HECTD4: variants seen among roughly 807,000 people sequenced by gnomAD.
HECTD4 encodes HECT domain E3 ubiquitin protein ligase 4.
HECTD4 carries 114 observed loss-of-function variants against 471.5 expected under a neutral mutation model. The observed-to-expected ratio is 0.24, with a 90% CI of 0.21 to 0.28. The LOEUF (loss-of-function observed/expected upper bound fraction) is 0.28. Ranked by LOEUF, HECTD4 falls within the 10% of genes least tolerant of loss-of-function variation. The pLI, the probability that HECTD4 is intolerant of heterozygous loss-of-function variation, is 1.00. For synonymous variants in HECTD4, 2,012 were observed against 2,256.0 expected (o/e 0.89, Z 3.07); for missense variants, 3,866 against 5,651.5 (o/e 0.68, Z 10.13).
intron 1 of HECTD4, among the ~76,000 whole-genome samples, chr12:112,342,243 C>A (rs190097445): frequency 6.6e-6 from 1 of 151,542 alleles, no homozygotes; most frequent in Non-Finnish European, 1.5e-5. Context: ...ATTGCTTGAG[C>A]CTGGGAGTTC....
chr12:112,271,784 G>A (rs2034419201), intron 11 of HECTD4, among the ~76,000 whole-genome samples: 2 of 151,854 alleles, frequency 1.3e-5, no homozygotes, highest in African/African-American at 4.8e-5. Context: ...GTTTTGTTTT[G>A]TTTTTTAAAA....
intron 7 of HECTD4, among the ~76,000 whole-genome samples, chr12:112,288,850 C>T (rs1343699452): frequency 6.6e-6 from 1 of 152,154 alleles, no homozygotes; most frequent in Non-Finnish European, 1.5e-5. Flanking sequence ...TTCAGCTTCA[C>T]CATGCAGAGC....
intron 1 of HECTD4, among the ~76,000 whole-genome samples, chr12:112,355,641 G>C (rs1168247117): frequency 6.6e-6 from 1 of 151,790 alleles, no homozygotes; most frequent in Non-Finnish European, 1.5e-5. Flanking sequence ...ATGCATGCCT[G>C]TGATCCCAGC....
chr12:112,279,116 G>T, intron 9 of HECTD4, 112 bp downstream of exon 9: 1 of 836,812 alleles, frequency 1.2e-6, no homozygotes, highest in Non-Finnish European at 1.8e-6. Flanking sequence ...TTATCAGAGA[G>T]CTATTGCAAA....
intron 38 of HECTD4, 76 bp from the exon 39 acceptor site, chr12:112,231,791 T>C: frequency 8.1e-7 from 1 of 1,238,164 alleles, no homozygotes. Flanking sequence ...CTATTTCCCC[T>C]CAATTACCAA....
At chr12:112,302,136 C>T in intron 7 of HECTD4, 1 of 1,078,326 alleles carries the variant, frequency 9.3e-7, no homozygotes, top group South Asian at 1.3e-5. Flanking sequence ...CAGTAAGGGA[C>T]TCCCATTTTA....
At chr12:112,242,162 T>A (rs1379176203) in intron 32 of HECTD4, among the ~76,000 whole-genome samples, 2 of 152,180 alleles carry the variant, frequency 1.3e-5, no homozygotes, top group African/African-American at 4.8e-5. Flanking sequence ...TATGGAAATG[T>A]ATAAAAATAT....
In HECTD4 at chr12:112,311,801, G is replaced by A. The variant is rs116382623; in HGVS notation, c.916+1216C>T. ...CCAAATGGAGTTTTTTAAAAGGAGA[G>A]AATCAAGAAAGAAGTTTTAGTTCTA... is the stretch of plus-strand genomic sequence containing the variant. On this transcript the variant is annotated intron_variant, in intron 4 of 75. Coordinates refer to ENST00000682272, the MANE Select transcript of HECTD4 (RefSeq NM_001388303.1). Among the ~76,000 whole-genome samples the A allele has an allele frequency of 2.7e-3, 412 of 152,240 alleles. 6 individuals are homozygous for A. Among genetic ancestry groups the A allele is most frequent in the African/African-American group, 9.7e-3 (403 of 41,558 alleles).
At chr12:112,324,029 C>CTTTCTTT (rs2035670292) in intron 1 of HECTD4, among the ~76,000 whole-genome samples, 5 of 26,336 alleles carry the variant, frequency 1.9e-4, no homozygotes, top group African/African-American at 7.9e-4. Flanking sequence ...TTCCTTCCTT[C>CTTTCTTT]CTTCCTTCCT....
intron 2 of HECTD4, among the ~76,000 whole-genome samples, chr12:112,318,870 C>T (rs1223697280): frequency 2.0e-5 from 3 of 152,200 alleles, no homozygotes; most frequent in South Asian, 2.1e-4. Context: ...TTTTGACCAT[C>T]CTCCTAGGAG....
chr12:112,354,627 AG>A (rs1375376347), intron 1 of HECTD4, among the ~76,000 whole-genome samples: 2 of 152,114 alleles, frequency 1.3e-5, no homozygotes. Flanking sequence ...CAGACATTGC[AG>A]TGGGCCAAGA....
At chr12:112,231,451 C>T in intron 39 of HECTD4, 62 bp downstream of exon 39, 5 of 1,513,386 alleles carry the variant, frequency 3.3e-6, no homozygotes, top group Non-Finnish European at 4.6e-6. Context: ...AAGCTAAAAA[C>T]AAACCCATTA....
chr12:112,295,359 G>C (rs2135665170), intron 7 of HECTD4, among the ~76,000 whole-genome samples: 1 of 148,548 alleles, frequency 6.7e-6, no homozygotes, highest in Middle Eastern at 3.4e-3. Context: ...AGTCTTTCTG[G>C]TAAGGTGATT....
chr12:112,282,644 T>C (rs1016879495), intron 8 of HECTD4, among the ~76,000 whole-genome samples: 4 of 152,208 alleles, frequency 2.6e-5, no homozygotes, highest in Admixed American at 6.5e-5. Context: ...CCTTTTTACA[T>C]TGTTTTGACT....
chr12:112,216,237 C>A, intron 48 of HECTD4, 55 bp downstream of exon 48: 1 of 1,248,960 alleles, frequency 8.0e-7, no homozygotes, highest in African/African-American at 1.5e-5. Flanking sequence ...CTGTTTAGAC[C>A]CAAACCTGAG....
At chr12:112,359,906 G>A (rs2036418778) in intron 1 of HECTD4, among the ~76,000 whole-genome samples, 1 of 152,046 alleles carries the variant, frequency 6.6e-6, no homozygotes, top group African/African-American at 2.4e-5. Context: ...AAACCTCCAG[G>A]TGGTACGCAC....
intron 1 of HECTD4, among the ~76,000 whole-genome samples, chr12:112,359,040 G>A (rs1177071502): frequency 1.3e-5 from 2 of 152,152 alleles, no homozygotes; most frequent in African/African-American, 2.4e-5. Context: ...GCCAGGTGTG[G>A]TGGCGGATGC....
At chr12:112,280,801 T>G (rs1322350731) in intron 8 of HECTD4, among the ~76,000 whole-genome samples, 1 of 150,420 alleles carries the variant, frequency 6.6e-6, no homozygotes, top group African/African-American at 2.5e-5. Context: ...TTTTTTTTTT[T>G]TTTGAGACTG....
Position 112,203,711 on chromosome 12 carries a change from A to T in HECTD4, c.8331T>A (p.Thr2777=). ...SNNVASSAVG[T]ALPKFAIRGM... is the part of the protein sequence containing the mutation. ...CTCGGATGGCAAATTTTGGCAGAGCAGTTCCAACAGCACTGCTGGCTACAT... is the reference window on the plus strand; with the variant it reads ...CTCGGATGGCAAATTTTGGCAGAGCTGTTCCAACAGCACTGCTGGCTACAT... Residue 2777 remains threonine (T), a synonymous_variant, in exon 54 of 76, where the codon ACT becomes ACA. Coordinates refer to ENST00000682272, the MANE Select transcript of HECTD4 (RefSeq NM_001388303.1). 1.2e-6 allele frequency: 2 copies of T among 1,612,904 alleles called. No individual in the cohort carries two copies. The highest frequency in any genetic ancestry group is 1.7e-6 in the Non-Finnish European group (2 of 1,179,244).
Sources: allele counts gnomAD v4.1 joint callset (sites outside exome capture counted in the v4.1 genomes callset), GRCh38; gene constraint gnomAD v4.1.1; transcripts MANE v1.5; gene names NCBI Gene and HGNC (gene_info 2026-07-23, HGNC 2026-07-21).